The following SUZ12 variants were observed in gnomAD, a reference collection of about 807,000 sequenced individuals.
SUZ12 encodes the protein SUZ12 polycomb repressive complex 2 subunit.
In SUZ12, 17 loss-of-function variants were observed where a neutral mutation model predicts 87.3. That is an observed-to-expected ratio of 0.19 (90% CI 0.13 to 0.29). The LOEUF (loss-of-function observed/expected upper bound fraction) is 0.29. SUZ12 is among the 10% of genes least tolerant of loss of function. The pLI is 1.00. For missense variants in SUZ12, 526 were observed against 912.2 expected (o/e 0.58, Z 5.45); for synonymous variants, 253 against 312.4 (o/e 0.81, Z 2.01).
At chr17:31,943,311 A>T (rs1906416010) in intron 3 of SUZ12, among the ~76,000 whole-genome samples, 1 of 152,198 alleles carries the variant, frequency 6.6e-6, no homozygotes. Context: ...CAGGGTGCAA[A>T]ATTGAGGATA....
chr17:31,946,986 T>C (rs1212072598), intron 3 of SUZ12, among the ~76,000 whole-genome samples: 3 of 152,334 alleles, frequency 2.0e-5, no homozygotes, highest in South Asian at 4.1e-4. Context: ...ATATGACATA[T>C]CATTGAGCTT....
At chr17:31,963,528 C>T (rs1382099661) in intron 4 of SUZ12, among the ~76,000 whole-genome samples, 55 of 148,634 alleles carry the variant, frequency 3.7e-4, no homozygotes, top group African/African-American at 1.3e-3. Context: ...GACAGAGTCT[C>T]ACTCTGTCGC....
chr17:31,965,157 T>C (rs189318224), intron 4 of SUZ12, among the ~76,000 whole-genome samples: 1 of 151,454 alleles, frequency 6.6e-6, no homozygotes, highest in Admixed American at 6.6e-5. Context: ...AAAAAAAAAA[T>C]ATATATATAT....
chr17:31,952,615 T>C (rs1907055723), intron 4 of SUZ12, among the ~76,000 whole-genome samples: 1 of 152,146 alleles, frequency 6.6e-6, no homozygotes, highest in Non-Finnish European at 1.5e-5. Context: ...CAGGCTGGAG[T>C]GCAGTAGCGC....
chr17:31,943,100 G>A (rs984389753), intron 3 of SUZ12, among the ~76,000 whole-genome samples: 12 of 152,200 alleles, frequency 7.9e-5, no homozygotes, highest in African/African-American at 2.7e-4. Context: ...AATAGAGAGC[G>A]TGCATGAGCA....
At chr17:31,969,020 T>C (rs377289464) in intron 5 of SUZ12, among the ~76,000 whole-genome samples, 21 of 152,354 alleles carry the variant, frequency 1.4e-4, no homozygotes, top group African/African-American at 5.0e-4. Flanking sequence ...CTCTGTCACC[T>C]AGGCTGGAGT....
intron 10 of SUZ12, among the ~76,000 whole-genome samples, chr17:31,991,654 G>C (rs891607797): frequency 3.3e-5 from 5 of 151,698 alleles, no homozygotes; most frequent in Admixed American, 3.3e-4. Context: ...ACCCAGGCTG[G>C]AGTGCAGTGG....
At chr17:31,966,220 G>A in intron 5 of SUZ12, 24 bp downstream of exon 5, 3 of 1,581,608 alleles carry the variant, frequency 1.9e-6, no homozygotes, top group Non-Finnish European at 2.6e-6. Flanking sequence ...AGTAAATAAA[G>A]TGGCATTTTA....
At chr17:31,947,336 A>T (rs1337235907) in intron 3 of SUZ12, among the ~76,000 whole-genome samples, 1 of 152,190 alleles carries the variant, frequency 6.6e-6, no homozygotes, top group Non-Finnish European at 1.5e-5. Flanking sequence ...AAATAAATAT[A>T]AACCAAGTAC....
At position 31,939,673 on chromosome 17, in the gene SUZ12, G is replaced by A. The variant is rs78827793; in HGVS notation, c.275-613G>A. 5.2e-3 allele frequency among the ~76,000 whole-genome samples: 792 copies of A among 152,096 alleles called. 6 individuals carry two copies. The highest frequency in any genetic ancestry group is 0.018 in the African/African-American group (733 of 41,496). On this transcript the variant is annotated intron_variant, in intron 1 of 15. Coordinates refer to ENST00000322652, the MANE Select transcript of SUZ12 (RefSeq NM_015355.4). ...CAAGTAGCTGGGATTACAGGCATGC[G>A]CCGCCCCTATGCCTGGCTGTTTTTG...
intron 9 of SUZ12, among the ~76,000 whole-genome samples, chr17:31,984,414 GA>G (rs138884647): frequency 1.3e-5 from 2 of 151,698 alleles, no homozygotes; most frequent in Non-Finnish European, 2.9e-5. Flanking sequence ...CATAAGCATG[GA>G]AAAAAAATAG....
Position 31,998,859 on chromosome 17 carries a change from A to G in SUZ12, c.2076A>G (p.Glu692=), listed in dbSNP as rs750658635. The G allele has an allele frequency of 1.2e-6, 2 of 1,613,672 alleles. No individual in the cohort carries two copies. Among genetic ancestry groups the G allele is most frequent in the Non-Finnish European group, 1.7e-6 (2 of 1,179,902 alleles). Residue 692 remains glutamate, a synonymous_variant, in exon 16 of 16, where the codon GAA becomes GAG. Transcript: ENST00000322652. Reference sequence around the variant, plus strand: ...TGCAGCAAAAATTAGAAAAGGGGGAATCTGCTTCCCCTGCAAACGAAGAAA... The same window carrying G: ...TGCAGCAAAAATTAGAAAAGGGGGAGTCTGCTTCCCCTGCAAACGAAGAAA... The part of the protein sequence containing the change: ...REMQQKLEKG[E]SASPANEEIT...
intron 14 of SUZ12, 36 bp downstream of exon 14, chr17:31,995,798 A>G: frequency 3.4e-6 from 5 of 1,489,018 alleles, no homozygotes; most frequent in Non-Finnish European, 4.6e-6. Flanking sequence ...ATTATCTTGG[A>G]ATATTATTTT....
intron 3 of SUZ12, among the ~76,000 whole-genome samples, chr17:31,943,197 T>C (rs1483214717): frequency 2.0e-5 from 3 of 152,216 alleles, no homozygotes; most frequent in African/African-American, 7.2e-5. Context: ...GAATTAGTTT[T>C]GTCCACCCTT....
intron 10 of SUZ12, among the ~76,000 whole-genome samples, chr17:31,990,962 G>T (rs540136900): frequency 2.0e-5 from 3 of 151,962 alleles, no homozygotes; most frequent in African/African-American, 4.8e-5. Flanking sequence ...ACCCATGCTG[G>T]TCTCAAACTC....
At chr17:31,941,626 T>C (rs539196005) in intron 3 of SUZ12, among the ~76,000 whole-genome samples, 36 of 151,320 alleles carry the variant, frequency 2.4e-4, no homozygotes, top group African/African-American at 8.3e-4. Context: ...CTCGGCTCAC[T>C]GCAACCTCTG....
chr17:31,988,444 A>C lies in SUZ12; in HGVS notation c.1148A>C (p.Glu383Ala). The part of the protein sequence containing the change: ...IAKPLATRNS[E>A]SLHQENKPGS... ...AAACCTCTTGCCACTAGAAATTCAG[A>C]GAGTCTCCATCAGGAAAACAAGCCT... is the stretch of plus-strand genomic sequence containing the variant. The change falls in exon 10 of 16, where the codon GAG becomes GCG. Residue 383 changes from glutamate to alanine, a missense_variant. Glu to Ala is a moderately radical substitution (Grantham distance 107). Transcript: ENST00000322652. The C allele has an allele frequency of 6.2e-7, 1 of 1,613,676 alleles. No individual in the cohort carries two copies. The highest frequency in any genetic ancestry group is 8.5e-7 in the Non-Finnish European group (1 of 1,179,898).
intron 6 of SUZ12, among the ~76,000 whole-genome samples, chr17:31,974,401 C>T (rs900090945): frequency 1.3e-5 from 2 of 152,102 alleles, no homozygotes; most frequent in South Asian, 4.1e-4. Context: ...GTGATGGGCA[C>T]CTGTAGTGCC....
intron 4 of SUZ12, among the ~76,000 whole-genome samples, chr17:31,961,086 G>T (rs2142152099): frequency 6.6e-6 from 1 of 151,994 alleles, no homozygotes; most frequent in East Asian, 1.9e-4. Context: ...GGCAGCATGT[G>T]CCTGACTCCC....
Sources: gnomAD v4.1 joint callset for allele counts (sites outside exome capture counted in the v4.1 genomes callset) on GRCh38, gnomAD v4.1.1 for gene constraint, MANE v1.5 for transcripts, NCBI Gene and HGNC (gene_info 2026-07-23, HGNC 2026-07-21) for gene names.